PCDHA6: variants seen among roughly 807,000 people sequenced by gnomAD.
PCDHA6 encodes protocadherin alpha 6.
PCDHA6 carries 55 observed loss-of-function variants against 60.3 expected under a neutral mutation model. The ratio of observed to expected loss-of-function variants is 0.91; its 90% CI spans 0.73 to 1.14. The LOEUF (loss-of-function observed/expected upper bound fraction) is 1.14. Ranked by LOEUF, PCDHA6 falls within the 50% of genes most tolerant of loss-of-function variation. The probability of loss-of-function intolerance (pLI) is 0.00; values close to 1 mark genes in which losing one functional copy is unlikely to be tolerated. For synonymous variants in PCDHA6, 652 were observed against 557.9 expected (o/e 1.17, Z -2.38); for missense variants, 1,327 against 1,256.5 (o/e 1.06, Z -0.85).
At chr5:140,968,173 C>T (rs782043932) in intron 1 of PCDHA6, 10 of 1,614,104 alleles carry the variant, frequency 6.2e-6, no homozygotes, top group Admixed American at 1.7e-5. Flanking sequence ...CACCAAGCTT[C>T]CTGGAGGACT....
chr5:140,840,493 T>C (rs2150307373), intron 1 of PCDHA6, among the ~76,000 whole-genome samples: 1 of 152,054 alleles, frequency 6.6e-6, no homozygotes, highest in Non-Finnish European at 1.5e-5. Context: ...ATAATTCTGG[T>C]AAATACTCAC....
In PCDHA6 at chr5:140,967,952, C is replaced by T. The variant is rs562783714; in HGVS notation, c.2395-10997C>T. ...CAGTGTCAATGACCAAGACTCAGGC[C>T]CCAACCGGAAAGTGAGCCTGGGTCT... is the stretch of plus-strand genomic sequence containing the variant. On this transcript the variant is annotated intron_variant, in intron 1 of 3. Coordinates refer to ENST00000529310, the MANE Select transcript of PCDHA6 (RefSeq NM_018909.4). The T allele has an allele frequency of 3.1e-6, 5 of 1,614,176 alleles. No individual in the cohort carries two copies. In the African/African-American group the frequency reaches 6.7e-5, roughly 22 times the overall value.
chr5:140,882,485 G>C, intron 1 of PCDHA6: 3 of 1,614,106 alleles, frequency 1.9e-6, no homozygotes, highest in Non-Finnish European at 2.5e-6. Flanking sequence ...AAGACACGGG[G>C]ACCTTCTGGA....
chr5:140,884,821 G>T (rs1470699415), intron 1 of PCDHA6: 1 of 1,011,638 alleles, frequency 9.9e-7, no homozygotes, highest in Admixed American at 3.4e-5. Context: ...TGGACATTAT[G>T]TGTTGGATTA....
intron 1 of PCDHA6, among the ~76,000 whole-genome samples, chr5:140,976,450 C>T (rs2096717096): frequency 6.6e-6 from 1 of 152,040 alleles, no homozygotes; most frequent in South Asian, 2.1e-4. Flanking sequence ...ACTAGGGAGG[C>T]TGGGGAAGAA....
chr5:140,913,106 T>C (rs1308946519), intron 1 of PCDHA6, among the ~76,000 whole-genome samples: 1 of 152,194 alleles, frequency 6.6e-6, no homozygotes, highest in Admixed American at 6.6e-5. Flanking sequence ...CCTCATAGAA[T>C]CAGTTTGGAA....
intron 1 of PCDHA6, among the ~76,000 whole-genome samples, chr5:140,942,439 A>C (rs1554214983): frequency 6.6e-6 from 1 of 152,200 alleles, no homozygotes; most frequent in Non-Finnish European, 1.5e-5. Context: ...AACAATAAAC[A>C]AGTAAACTAT....
intron 1 of PCDHA6, among the ~76,000 whole-genome samples, chr5:140,838,935 TAATAAAATAA>T (rs1186571610): frequency 2.0e-5 from 3 of 151,738 alleles, no homozygotes; most frequent in African/African-American, 7.3e-5. Flanking sequence ...TAAAATGAAA[TAATAAAATAA>T]AATAAAATAA....
chr5:140,900,437 C>T (rs1284375985), intron 1 of PCDHA6, among the ~76,000 whole-genome samples: 4 of 152,148 alleles, frequency 2.6e-5, no homozygotes, highest in African/African-American at 9.7e-5. Flanking sequence ...GCCACCACGG[C>T]CGGCTAATTT....
At chr5:141,009,301 T>C (rs942481990) in intron 3 of PCDHA6, among the ~76,000 whole-genome samples, 1 of 152,122 alleles carries the variant, frequency 6.6e-6, no homozygotes, top group Admixed American at 6.5e-5. Flanking sequence ...TAAAATTTTT[T>C]TTAAAAAGCT....
chr5:140,974,672 T>G lies in PCDHA6; in HGVS notation c.2395-4277T>G, dbSNP rs186958750. On this transcript the variant is annotated intron_variant, in intron 1 of 3. Coordinates refer to ENST00000529310, the MANE Select transcript of PCDHA6 (RefSeq NM_018909.4). ...GATTACAGGCATGCGCCACCATGCC[T>G]GGCTAATTTTGTATTTTTGGGTTTC... 4.6e-3 allele frequency among the ~76,000 whole-genome samples: 694 copies of G among 152,134 alleles called. 4 individuals are homozygous for G. Among genetic ancestry groups the G allele is most frequent in the African/African-American group, 0.016 (672 of 41,518 alleles).
chr5:140,980,963 A>T (rs1047334103), intron 2 of PCDHA6, among the ~76,000 whole-genome samples: 8 of 152,224 alleles, frequency 5.3e-5, no homozygotes, highest in African/African-American at 1.9e-4. Context: ...TTACACCTTC[A>T]TGAATCTGAC....
At chr5:140,951,431 G>A (rs1003684083) in intron 1 of PCDHA6, among the ~76,000 whole-genome samples, 1 of 152,044 alleles carries the variant, frequency 6.6e-6, no homozygotes, top group Non-Finnish European at 1.5e-5. Context: ...TCCACAGGCT[G>A]TAGGAAGCAT....
chr5:140,939,379 A>C (rs1554212694), intron 1 of PCDHA6, among the ~76,000 whole-genome samples: 1 of 152,170 alleles, frequency 6.6e-6, no homozygotes, highest in Non-Finnish European at 1.5e-5. Flanking sequence ...GAACACAAAC[A>C]TTCAGATCAT....
chr5:140,828,577 T>C lies in PCDHA6; in HGVS notation c.486T>C (p.Val162=). The part of the protein sequence containing the change: ...FPLEGASDAD[V]GSNSILTYKL... The stretch of plus-strand genomic sequence containing the variant: ...TGGAGGGCGCGTCCGATGCAGATGT[T>C]GGCTCAAATTCCATCTTAACCTATA... Residue 162 remains valine, a synonymous_variant, in exon 1 of 4, where the codon GTT becomes GTC. Transcript: ENST00000529310. 6.2e-7 allele frequency: 1 copy of C among 1,614,252 alleles called. No individual in the cohort carries two copies. Among genetic ancestry groups the C allele is most frequent in the Non-Finnish European group, 8.5e-7 (1 of 1,180,048 alleles).
chr5:140,877,727 A>C, intron 1 of PCDHA6: 1 of 1,614,136 alleles, frequency 6.2e-7, no homozygotes, highest in South Asian at 1.1e-5. Flanking sequence ...TCTTACTCGC[A>C]GCAGAGGAGG....
chr5:140,959,078 A>C (rs1489301308), intron 1 of PCDHA6, among the ~76,000 whole-genome samples: 1 of 152,128 alleles, frequency 6.6e-6, no homozygotes, highest in Non-Finnish European at 1.5e-5. Flanking sequence ...ATTCAGTATT[A>C]TCCTTGGTTT....
At position 140,848,735 on chromosome 5, in the gene PCDHA6, G is replaced by A. The variant is rs141612292; in HGVS notation, c.2394+18250G>A. On this transcript the variant is annotated intron_variant, in intron 1 of 3. Transcript: ENST00000529310. ...GGGACCTTCTGGAGGTAAATCTGCA[G>A]AATGGCATTTTGTTTGTGAATTCTC... 5.7e-6 allele frequency: 9 copies of A among 1,592,880 alleles called. No homozygotes were observed. In the African/African-American group the frequency reaches 1.1e-4, roughly 19 times the overall value.
At chr5:140,843,518 C>T in intron 1 of PCDHA6, 2 of 1,595,646 alleles carry the variant, frequency 1.3e-6, no homozygotes, top group South Asian at 1.1e-5. Context: ...GGGCGGGTGC[C>T]GGGCGGGCAA....
Sources: allele counts gnomAD v4.1 joint callset (sites outside exome capture counted in the v4.1 genomes callset), GRCh38; gene constraint gnomAD v4.1.1; transcripts MANE v1.5; gene names NCBI Gene and HGNC (gene_info 2026-07-23, HGNC 2026-07-21).